The following TRPM3 variants were observed in gnomAD, a reference collection of about 807,000 sequenced individuals.
TRPM3 encodes the protein transient receptor potential cation channel subfamily M member 3.
Under a neutral mutation model 181.2 loss-of-function variants are expected in TRPM3, and 77 were observed. That is an observed-to-expected ratio of 0.42 (90% CI 0.35 to 0.51). TRPM3 has a LOEUF of 0.51. Ranked by LOEUF, TRPM3 falls within the 20% of genes least tolerant of loss-of-function variation. The pLI, the probability that TRPM3 is intolerant of heterozygous loss-of-function variation, is 0.01. For missense variants in TRPM3, 1,759 were observed against 2,196.7 expected, an observed-to-expected ratio of 0.80 and a Z score of 3.98; for synonymous variants, 745 against 796.4, an observed-to-expected ratio of 0.94 and a Z score of 1.09.
chr9:70,784,076 T>A, intron 7 of TRPM3, 29 bp downstream of exon 7: 4 of 1,603,906 alleles, frequency 2.5e-6, no homozygotes, highest in Non-Finnish European at 3.4e-6. Context: ...GCTTTAGGGT[T>A]CTTCCATGGG....
chr9:71,087,364 A>T (rs184920105), intron 1 of TRPM3, among the ~76,000 whole-genome samples: 1 of 152,208 alleles, frequency 6.6e-6, no homozygotes, highest in Admixed American at 6.6e-5. Context: ...CCTGGGAAAG[A>T]TCTTTTCATA....
At chr9:70,563,776 T>C (rs1038013327) in intron 22 of TRPM3, among the ~76,000 whole-genome samples, 9 of 152,192 alleles carry the variant, frequency 5.9e-5, no homozygotes, top group Admixed American at 5.9e-4. Context: ...TGATTATTGA[T>C]TGAGGCAGGA....
intron 9 of TRPM3, among the ~76,000 whole-genome samples, chr9:70,660,675 C>G (rs1339061283): frequency 6.6e-6 from 1 of 152,018 alleles, no homozygotes; most frequent in Non-Finnish European, 1.5e-5. Context: ...CACACACAAA[C>G]TAGAAAATCT....
At chr9:71,246,552 A>G (rs916656074) in intron 1 of TRPM3, among the ~76,000 whole-genome samples, 1 of 152,232 alleles carries the variant, frequency 6.6e-6, no homozygotes, top group Non-Finnish European at 1.5e-5. Flanking sequence ...GGAAAAAGAA[A>G]AGCAAACAAT....
chr9:70,559,299 C>T (rs139043767), intron 22 of TRPM3, among the ~76,000 whole-genome samples: 29 of 152,266 alleles, frequency 1.9e-4, no homozygotes, highest in Admixed American at 1.3e-4. Flanking sequence ...AGTTACAGCT[C>T]CTCTATTTCA....
intron 1 of TRPM3, among the ~76,000 whole-genome samples, chr9:71,032,186 TATATA>T (rs1485580419): frequency 2.0e-5 from 2 of 99,630 alleles, no homozygotes; most frequent in Non-Finnish European, 4.2e-5. Flanking sequence ...TACTATATAT[TATATA>T]ATATAATATA....
intron 1 of TRPM3, among the ~76,000 whole-genome samples, chr9:71,402,006 T>C (rs11142815): frequency 0.02 from 3,088 of 152,288 alleles, 119 homozygotes; most frequent in East Asian, 0.13. Flanking sequence ...AATCCGTAAA[T>C]TGATGGCTGG....
chr9:70,914,526 C>T (rs576571787), intron 1 of TRPM3, among the ~76,000 whole-genome samples: 7 of 152,252 alleles, frequency 4.6e-5, no homozygotes, highest in East Asian at 3.9e-4. Context: ...GCAGAACAGA[C>T]GTGTAGTGTG....
intron 7 of TRPM3, among the ~76,000 whole-genome samples, chr9:70,773,935 G>T (rs2080856648): frequency 6.6e-6 from 1 of 152,172 alleles, no homozygotes; most frequent in Non-Finnish European, 1.5e-5. Flanking sequence ...GTATCTATAA[G>T]ATTTTGGCTT....
chr9:71,172,154 G>T (rs1163692786), intron 1 of TRPM3, among the ~76,000 whole-genome samples: 1 of 151,956 alleles, frequency 6.6e-6, no homozygotes, highest in Non-Finnish European at 1.5e-5. Context: ...TCCCGCTTCA[G>T]CCTCCCCTAA....
intron 8 of TRPM3, among the ~76,000 whole-genome samples, chr9:70,742,186 CAA>C (rs1325846992): frequency 1.3e-5 from 2 of 151,884 alleles, no homozygotes; most frequent in Non-Finnish European, 2.9e-5. Context: ...TATATGTAAA[CAA>C]TATCTCAATT....
chr9:71,134,006 T>C (rs866298645), intron 1 of TRPM3, among the ~76,000 whole-genome samples: 72 of 66,018 alleles, frequency 1.1e-3, no homozygotes, highest in African/African-American at 4.1e-3. Flanking sequence ...TGTGTGTGTG[T>C]GTGTGTGTGC....
At chr9:71,288,285 A>G (rs2085471409) in intron 1 of TRPM3, among the ~76,000 whole-genome samples, 2 of 152,046 alleles carry the variant, frequency 1.3e-5, no homozygotes, top group Non-Finnish European at 2.9e-5. Context: ...AATATTGTCT[A>G]CGATAAACGC....
rs532237966 is a variant in TRPM3, at chr9:70,902,530, C to T, written c.178-38019G>A. Among the ~76,000 whole-genome samples, 57 of 151,886 alleles carry T rather than the reference C, an allele frequency of 3.8e-4. 1 individual carries two copies. The highest frequency in any genetic ancestry group is 1.3e-3 in the African/African-American group (53 of 41,530). On this transcript the variant is annotated intron_variant, in intron 1 of 25. Coordinates refer to ENST00000677713, the MANE Select transcript of TRPM3 (RefSeq NM_001366145.2). ...ACATATTTGTTGCAATTCTATGAGA[C>T]AAGTTAAAGTCAGTTTGGTTTTTCT...
intron 1 of TRPM3, among the ~76,000 whole-genome samples, chr9:71,135,636 G>A (rs368290787): frequency 6.6e-6 from 1 of 152,102 alleles, no homozygotes; most frequent in Non-Finnish European, 1.5e-5. Flanking sequence ...ATACTACAGA[G>A]CTCATGCAAC....
intron 1 of TRPM3, among the ~76,000 whole-genome samples, chr9:71,158,365 A>G (rs1421644696): frequency 1.3e-5 from 2 of 152,142 alleles, no homozygotes; most frequent in Non-Finnish European, 2.9e-5. Flanking sequence ...CTAAACCCAT[A>G]CTACCTAATT....
At chr9:71,204,102 A>G (rs2078972331) in intron 1 of TRPM3, among the ~76,000 whole-genome samples, 1 of 151,390 alleles carries the variant, frequency 6.6e-6, no homozygotes, top group Non-Finnish European at 1.5e-5. Flanking sequence ...CTAAAACCAT[A>G]AAAACCCTAG....
At chr9:70,834,509 T>A (rs2094172667) in intron 5 of TRPM3, among the ~76,000 whole-genome samples, 1 of 152,188 alleles carries the variant, frequency 6.6e-6, no homozygotes, top group African/African-American at 2.4e-5. Context: ...TCTTTCCTAG[T>A]CTAGGTTGGA....
chr9:71,420,631 AAG>A (rs1420108206), intron 1 of TRPM3, among the ~76,000 whole-genome samples: 1 of 142,720 alleles, frequency 7.0e-6, no homozygotes, highest in African/African-American at 2.6e-5. Context: ...GAAAAAGAAA[AAG>A]AAAAAGAGAG....
Sources: gnomAD v4.1 joint callset for allele counts (sites outside exome capture counted in the v4.1 genomes callset) on GRCh38, gnomAD v4.1.1 for gene constraint, MANE v1.5 for transcripts, NCBI Gene and HGNC (gene_info 2026-07-23, HGNC 2026-07-21) for gene names.